The following MUC5B variants were observed in gnomAD, a reference collection of about 807,000 sequenced individuals.
The protein encoded by MUC5B is mucin-5B.
MUC5B carries 116 observed loss-of-function variants against 376.9 expected under a neutral mutation model. The observed-to-expected ratio is 0.31, with a 90% CI of 0.26 to 0.36. The LOEUF is 0.36. Among genes scored for constraint, MUC5B ranks in the 10% least tolerant of loss-of-function variants. The probability of loss-of-function intolerance (pLI) is 1.00; values close to 1 mark genes in which losing one functional copy is unlikely to be tolerated. For synonymous variants in MUC5B, 3,517 were observed against 3,390.9 expected (o/e 1.04, Z -1.29); for missense variants, 7,165 against 7,769.9 (o/e 0.92, Z 2.93).
At chr11:1,239,242 G>C in intron 26 of MUC5B, 196 bp from the exon 27 acceptor site, 2 of 898,092 alleles carry the variant, frequency 2.2e-6, no homozygotes, top group Non-Finnish European at 3.4e-6. Flanking sequence ...AGCTCCTAGG[G>C]GACAAGAGTT....
rs745361542 is a variant in MUC5B, at chr11:1,245,895, C to T, written c.9015C>T (p.Thr3005=). Residue 3005 remains threonine, a synonymous_variant, in exon 31 of 49, where the codon ACC becomes ACT. Coordinates refer to ENST00000529681, the MANE Select transcript of MUC5B (RefSeq NM_002458.3). ...CCACAGCAGCCACTACGACCGCAAC[C>T]ACTGGATCCACGGCCATCCCGTCCT... ...EQTTAATTTA[T]TGSTAIPSST... is the part of the protein sequence containing the mutation. The T allele has an allele frequency of 3.3e-5, 54 of 1,613,212 alleles. 1 individual carries two copies. The highest frequency in any genetic ancestry group is 4.2e-5 in the Non-Finnish European group (49 of 1,179,782).
At position 1,251,586 on chromosome 11, in the gene MUC5B, C is replaced by G. The variant is rs772777032; in HGVS notation, c.14706C>G (p.Thr4902=). The change falls in exon 31 of 49, where the codon ACC becomes ACG. Residue 4902 remains threonine, a synonymous_variant. Transcript: ENST00000529681. ...STVPSSSTVG[T]TRTPAVLPSS... is the part of the protein sequence containing the mutation. The stretch of plus-strand genomic sequence containing the variant: ...TTCCCAGCTCGTCCACCGTGGGGAC[C>G]ACCCGCACCCCTGCAGTGCTCCCCA... 1.2e-6 allele frequency: 2 copies of G among 1,612,644 alleles called. No individual in the cohort carries two copies. The highest frequency in any genetic ancestry group is 1.3e-5 in the African/African-American group (1 of 74,940).
intron 34 of MUC5B, among the ~76,000 whole-genome samples, 160 bp downstream of exon 34, chr11:1,254,511 C>A (rs749584725): frequency 1.3e-5 from 2 of 152,210 alleles, no homozygotes; most frequent in African/African-American, 2.4e-5. Flanking sequence ...TAAGGCCGAG[C>A]GCACCCTGTG....
At position 1,246,388 on chromosome 11, in the gene MUC5B, A is replaced by G; in HGVS notation, c.9508A>G (p.Thr3170Ala). 1 of 1,613,426 alleles carries G rather than the reference A, an allele frequency of 6.2e-7. No individual in the cohort carries two copies. The highest frequency in any genetic ancestry group is 8.5e-7 in the Non-Finnish European group (1 of 1,179,726). ...TTWILTEPST[T>A]ATVTVPTGST... ...CTGGATCCTCACAGAGCCCAGCACT[A>G]CAGCCACCGTGACGGTGCCCACCGG... The change falls in exon 31 of 49, where the codon ACA (threonine) becomes GCA (alanine). Residue 3170 changes from threonine to alanine, a missense_variant. By Grantham distance (58) the Thr-to-Ala change is moderately conservative. Around this residue, in one of 31 missense-constraint regions of MUC5B, gnomAD observed 939 missense variants for 770.6 expected, o/e 1.22. Coordinates refer to ENST00000529681, the MANE Select transcript of MUC5B (RefSeq NM_002458.3).
At position 1,241,408 on chromosome 11, in the gene MUC5B, A is replaced by G; in HGVS notation, c.4528A>G (p.Thr1510Ala). Residue 1510 changes from threonine (T) to alanine (A), a missense_variant, in exon 31 of 49, where the codon ACA becomes GCA. Thr to Ala is a moderately conservative substitution (Grantham distance 58). Coordinates refer to ENST00000529681, the MANE Select transcript of MUC5B (RefSeq NM_002458.3). The stretch of plus-strand genomic sequence containing the variant: ...CACCTGCCAGCCCCGGTGTCAGTGG[A>G]CAGAGTGGTTTGATGAGGACTACCC... ...TTTCQPRCQWTEWFDEDYPKS... is the reference protein window; with the variant it reads ...TTTCQPRCQWAEWFDEDYPKS... The G allele has an allele frequency of 6.2e-7, 1 of 1,613,494 alleles. No individual in the cohort carries two copies. The highest frequency in any genetic ancestry group is 8.5e-7 in the Non-Finnish European group (1 of 1,179,580).
In MUC5B at chr11:1,246,782, G is replaced by A. The variant is rs772068919; in HGVS notation, c.9902G>A (p.Gly3301Glu). ...GSVATPSSTPGTAHTTKVPTT... is the reference protein window; with the variant it reads ...GSVATPSSTPETAHTTKVPTT... Reference sequence around the variant, plus strand: ...GTGGCCACCCCCTCCTCCACCCCAGGAACAGCTCACACTACCAAAGTGCCG... The same window carrying A: ...GTGGCCACCCCCTCCTCCACCCCAGAAACAGCTCACACTACCAAAGTGCCG... Residue 3301 changes from glycine to glutamate, a missense_variant, in exon 31 of 49, where the codon GGA (glycine) becomes GAA (glutamate). Gly to Glu is a moderately conservative substitution (Grantham distance 98). Transcript: ENST00000529681. The A allele has an allele frequency of 2.1e-5, 33 of 1,609,340 alleles. No homozygotes were observed. Among genetic ancestry groups the A allele is most frequent in the Non-Finnish European group, 2.7e-5 (32 of 1,178,004 alleles).
Position 1,226,798 on chromosome 11 carries a change from T to C in MUC5B, c.383T>C (p.Val128Ala). The C allele has an allele frequency of 6.2e-7, 1 of 1,611,980 alleles. No individual in the cohort carries two copies. Among genetic ancestry groups the C allele is most frequent in the Non-Finnish European group, 8.5e-7 (1 of 1,179,796 alleles). The change falls in exon 4 of 49, where the codon GTG becomes GCG. Residue 128 changes from valine to alanine, a missense_variant. Val to Ala is a moderately conservative substitution (Grantham distance 64). This residue lies in a region of MUC5B where 640 missense variants were observed against 733.0 expected (regional missense o/e 0.87). Coordinates refer to ENST00000529681, the MANE Select transcript of MUC5B (RefSeq NM_002458.3). ...LRRGLVGSRP[V>A]VTRVVIKAQG... Reference sequence around the variant, plus strand: ...CGAGGCCTAGTGGGCTCCAGGCCTGTGGTCACCCGTGTTGTCATCAAGGCC... The same window carrying C: ...CGAGGCCTAGTGGGCTCCAGGCCTGCGGTCACCCGTGTTGTCATCAAGGCC...
chr11:1,232,245 G>T (rs1241229457), intron 15 of MUC5B, 85 bp downstream of exon 15: 15 of 1,451,272 alleles, frequency 1.0e-5, no homozygotes, highest in Admixed American at 2.3e-5. Context: ...GGGGACCCCT[G>T]GGTGGGATTG....
chr11:1,235,444 G>A lies in MUC5B; in HGVS notation c.2880+31G>A, dbSNP rs540551491. On this transcript the variant is annotated intron_variant, in intron 23 of 48. Coordinates refer to ENST00000529681, the MANE Select transcript of MUC5B (RefSeq NM_002458.3). ...AACGGCCCCAGCTGTGAGCACCCCC[G>A]ACCCTGCAGCCAACGAGCCGGCCCC... 3.5e-5 allele frequency: 56 copies of A among 1,577,860 alleles called. No homozygotes were observed. In the Admixed American group the frequency reaches 3.6e-4, roughly 10 times the overall value.
intron 11 of MUC5B, among the ~76,000 whole-genome samples, 170 bp downstream of exon 11, chr11:1,230,313 G>A (rs1034375361): frequency 3.3e-5 from 5 of 152,300 alleles, no homozygotes; most frequent in South Asian, 2.1e-4. Flanking sequence ...CCTGCTGAGC[G>A]GCATGGGGCC....
chr11:1,243,321 C>T lies in MUC5B; in HGVS notation c.6441C>T (p.Thr2147=), dbSNP rs547040899. The T allele has an allele frequency of 8.3e-6, 13 of 1,557,458 alleles. 1 individual carries two copies. In the South Asian group the frequency reaches 1.5e-4, roughly 18 times the overall value. ...ATTITATGST[T]NPSSTPGTTP... ...CGATCACGGCCACCGGCTCCACCAC[C>T]AACCCCTCCTCAACTCCTGGGACAA... Residue 2147 remains threonine, a synonymous_variant, in exon 31 of 49, where the codon ACC becomes ACT. Transcript: ENST00000529681.
chr11:1,246,279 G>T lies in MUC5B; in HGVS notation c.9399G>T (p.Trp3133Cys). ...STPSSTPGTT[W>C]ILTELTTAAT... ...CCTCCTCCACTCCGGGGACGACCTG[G>T]ATCCTCACAGAGCTGACCACAGCAG... is the stretch of plus-strand genomic sequence containing the variant. Residue 3133 changes from tryptophan (W) to cysteine (C), a missense_variant, in exon 31 of 49, where the codon TGG becomes TGT. Around this residue, in one of 31 missense-constraint regions of MUC5B, gnomAD observed 939 missense variants for 770.6 expected, o/e 1.22. Coordinates refer to ENST00000529681, the MANE Select transcript of MUC5B (RefSeq NM_002458.3). 3 of 1,608,936 alleles carry T rather than the reference G, an allele frequency of 1.9e-6. No individual in the cohort carries two copies. Among genetic ancestry groups the T allele is most frequent in the South Asian group, 1.1e-5 (1 of 90,804 alleles).
At chr11:1,235,860 G>C (rs187492975) in intron 23 of MUC5B, among the ~76,000 whole-genome samples, 1 of 151,770 alleles carries the variant, frequency 6.6e-6, no homozygotes, top group Admixed American at 6.6e-5. Context: ...AATCCCGTCT[G>C]CAGAGATGCT....
chr11:1,257,693 GC>G lies in MUC5B; in HGVS notation c.16437del (p.Glu5480ArgfsTer122), dbSNP rs1369181738. On this transcript the variant is annotated frameshift_variant, in exon 41 of 49. Coordinates refer to ENST00000529681, the MANE Select transcript of MUC5B (RefSeq NM_002458.3). LOFTEE classifies it high-confidence loss of function. This position sits in a 1 kb window ranked among gnomAD's most constrained non-coding sequence, Gnocchi z 8.9. ...VTRPRAENPC[C>X]PETVCVCNTT... is the part of the protein sequence containing the mutation. The stretch of plus-strand genomic sequence containing the variant: ...AGGCCCCGGGCCGAGAACCCCTGCT[GC>G]CCCGAGACGGTGTGCGGTAAGACGC... 6.4e-7 allele frequency: 1 copy of G among 1,561,478 alleles called. No individual in the cohort carries two copies. Among genetic ancestry groups the G allele is most frequent in the Non-Finnish European group, 8.6e-7 (1 of 1,160,958 alleles).
rs1296847364 is a variant in MUC5B, at chr11:1,260,102, C to T, written c.16923+17C>T. 6 of 1,611,088 alleles carry T rather than the reference C, an allele frequency of 3.7e-6. No individual in the cohort carries two copies. The African/African-American group carries it at 8.0e-5, about 22-fold the overall frequency. Reference sequence around the variant, plus strand: ...AGCTGCAGGGTGTGTGCTGGAGGCCCTGCCCCTGCCTGGGAGTCCTTGTCC... The same window carrying T: ...AGCTGCAGGGTGTGTGCTGGAGGCCTTGCCCCTGCCTGGGAGTCCTTGTCC... On this transcript the variant is annotated intron_variant, in intron 46 of 48. Coordinates refer to ENST00000529681, the MANE Select transcript of MUC5B (RefSeq NM_002458.3).
rs571818059 is a variant in MUC5B at position 1,241,811 on chromosome 11, C to T, written c.4931C>T (p.Pro1644Leu). ...AGCCCGGGGCTGACCAGGGCTCCCC[C>T]GGCCAGCACCACAGCAGTCCCCACC... is the stretch of plus-strand genomic sequence containing the variant. Reference protein sequence around the residue: ...TSSPGLTRAPPASTTAVPTLS... With the variant: ...TSSPGLTRAPLASTTAVPTLS... Residue 1644 changes from proline (P) to leucine (L), a missense_variant, in exon 31 of 49, where the codon CCG becomes CTG. Pro to Leu is a moderately conservative substitution (Grantham distance 98). Transcript: ENST00000529681. 130 of 1,612,606 alleles carry T rather than the reference C, an allele frequency of 8.1e-5. No individual in the cohort carries two copies. The highest frequency in any genetic ancestry group is 1.7e-4 in the Middle Eastern group (1 of 6,060).
chr11:1,258,010 G>A lies in MUC5B; in HGVS notation c.16451-89G>A. The A allele has an allele frequency of 1.5e-6, 2 of 1,338,424 alleles. No homozygotes were observed. Among genetic ancestry groups the A allele is most frequent in the Admixed American group, 2.1e-5 (1 of 48,748 alleles). The allele number at this position is 1,338,424 out of a possible 1,614,324, so 82.9% of individuals were successfully genotyped here. A position where few individuals can be genotyped will look rare whatever the true frequency, so the allele number is the denominator to read the frequency against. ...GGCTGTGAAGCGGTCAGGTCCTCGGGGAAAAGCACGCCTGCGACTTACTCT... is the reference window on the plus strand; with the variant it reads ...GGCTGTGAAGCGGTCAGGTCCTCGGAGAAAAGCACGCCTGCGACTTACTCT... On this transcript the variant is annotated intron_variant, in intron 41 of 48. Transcript: ENST00000529681. The surrounding 1 kb of genome is among the most constrained non-coding windows in gnomAD (Gnocchi z 5.5).
chr11:1,227,201 G>A (rs1861908874), intron 5 of MUC5B, 56 bp downstream of exon 5: 58 of 1,578,780 alleles, frequency 3.7e-5, no homozygotes, highest in South Asian at 3.4e-4. Context: ...AACCCCCACC[G>A]GGGGTCGAGG....
rs1473415746 is a variant in MUC5B, at chr11:1,249,525, C to T, written c.12645C>T (p.Asn4215=). The change falls in exon 31 of 49, where the codon AAC becomes AAT. Residue 4215 remains asparagine, a synonymous_variant. Coordinates refer to ENST00000529681, the MANE Select transcript of MUC5B (RefSeq NM_002458.3). ...TGGGGAAGTTCAAGATGTGCTTCAA[C>T]TATGAAATCCGTGTGTTCTGCTGCA... is the stretch of plus-strand genomic sequence containing the variant. ...EQVGKFKMCF[N]YEIRVFCCNY... is the part of the protein sequence containing the mutation. 1 of 1,612,178 alleles carries T rather than the reference C, an allele frequency of 6.2e-7. No individual in the cohort carries two copies. Among genetic ancestry groups the T allele is most frequent in the African/African-American group, 1.3e-5 (1 of 74,766 alleles).
Sources: gnomAD v4.1 joint callset for allele counts (sites outside exome capture counted in the v4.1 genomes callset) on GRCh38, gnomAD v4.1.1 for gene constraint, gnomAD v4.1.1 regional missense constraint, Gnocchi (gnomAD v3.1) non-coding constraint, MANE v1.5 for transcripts, NCBI Gene and HGNC (gene_info 2026-07-23, HGNC 2026-07-21) for gene names.